TNR: variants seen among roughly 807,000 people sequenced by gnomAD.
The protein encoded by TNR is tenascin R, also known as tenascin-R.
A neutral mutation model predicts 150.4 loss-of-function variants in TNR; 45 were observed. That is an observed-to-expected ratio of 0.30 (90% CI 0.24 to 0.38). TNR has a LOEUF of 0.38. Ranked by LOEUF, TNR falls within the 10% of genes least tolerant of loss-of-function variation. TNR has a pLI of 1.00. For synonymous variants in TNR, 687 were observed against 678.4 expected (o/e 1.01, Z -0.20); for missense variants, 1,544 against 1,759.1 (o/e 0.88, Z 2.19).
At chr1:175,675,772 G>A (rs574910727) in intron 1 of TNR, among the ~76,000 whole-genome samples, 5 of 152,250 alleles carry the variant, frequency 3.3e-5, no homozygotes, top group African/African-American at 1.2e-4. Flanking sequence ...GGTGGGATGG[G>A]GCATAGCTAT....
intron 1 of TNR, among the ~76,000 whole-genome samples, chr1:175,638,590 G>A (rs756859040): frequency 9.2e-5 from 14 of 152,170 alleles, no homozygotes; most frequent in Non-Finnish European, 1.9e-4. Flanking sequence ...CTAGTTGGTT[G>A]CAGATAACAA....
chr1:175,631,580 T>C (rs12354153), intron 1 of TNR, among the ~76,000 whole-genome samples: 43,380 of 152,104 alleles, frequency 0.29, 7,325 homozygotes, highest in East Asian at 0.5. Context: ...CTAAGGAAGC[T>C]AAAAGATTGA....
intron 1 of TNR, among the ~76,000 whole-genome samples, chr1:175,582,914 C>T (rs1662415472): frequency 6.6e-6 from 1 of 151,988 alleles, no homozygotes; most frequent in Admixed American, 6.6e-5. Flanking sequence ...CTCCTCTTAA[C>T]CTCTCTCTGC....
chr1:175,355,319 G>A (rs1003849322), intron 17 of TNR, among the ~76,000 whole-genome samples, 184 bp downstream of exon 17: 1 of 152,088 alleles, frequency 6.6e-6, no homozygotes, highest in Admixed American at 6.6e-5. Flanking sequence ...CAAATCTTCT[G>A]GCTTGCAGAC....
At chr1:175,400,064 C>T (rs899903082) in intron 4 of TNR, among the ~76,000 whole-genome samples, 4 of 152,152 alleles carry the variant, frequency 2.6e-5, no homozygotes, top group Non-Finnish European at 5.9e-5. Flanking sequence ...CTGCTGGCTC[C>T]GGGGGAGTTT....
At chr1:175,365,839 C>G (rs771709835) in intron 11 of TNR, 36 bp downstream of exon 11, 1 of 1,599,690 alleles carries the variant, frequency 6.3e-7, no homozygotes. Context: ...ATCCACTGAT[C>G]CCTGAACCTG....
chr1:175,567,456 G>T (rs535874472), intron 1 of TNR, among the ~76,000 whole-genome samples: 1 of 152,146 alleles, frequency 6.6e-6, no homozygotes, highest in South Asian at 2.1e-4. Context: ...GCAGAACCTT[G>T]TGCCATCCCC....
At chr1:175,681,880 T>C (rs1204596099) in intron 1 of TNR, among the ~76,000 whole-genome samples, 7 of 152,132 alleles carry the variant, frequency 4.6e-5, no homozygotes, top group Non-Finnish European at 1.0e-4. Flanking sequence ...GGCTTCATGC[T>C]CTCAGGGTGA....
At chr1:175,357,579 T>G (rs1651391641) in intron 15 of TNR, among the ~76,000 whole-genome samples, 1 of 152,242 alleles carries the variant, frequency 6.6e-6, no homozygotes, top group African/African-American at 2.4e-5. Flanking sequence ...TTCTTCAGAC[T>G]TCTTACACTC....
intron 11 of TNR, 147 bp from the exon 12 acceptor site, chr1:175,365,426 C>A: frequency 2.3e-6 from 2 of 886,254 alleles, no homozygotes; most frequent in Non-Finnish European, 3.4e-6. Context: ...ACCTCCTCAC[C>A]CTCCAGTGCT....
chr1:175,690,354 GTGC>G (rs1666324001), intron 1 of TNR, among the ~76,000 whole-genome samples: 1 of 152,238 alleles, frequency 6.6e-6, no homozygotes, highest in Admixed American at 6.5e-5. Flanking sequence ...GGTGACAAGT[GTGC>G]AAAGCATTAA....
In TNR at chr1:175,447,191, G is replaced by C. The variant is rs6688421; in HGVS notation, c.-63-40414C>G. 4.7e-3 allele frequency among the ~76,000 whole-genome samples: 709 copies of C among 151,648 alleles called. 2 individuals are homozygous for C. The highest frequency in any genetic ancestry group is 8.0e-3 in the Non-Finnish European group (544 of 67,910). ...TTGGATTTCTATCTTCTGGAAGTAG[G>C]GGTGGTATGGAGTCAGGGGAGGAGT... On this transcript the variant is annotated intron_variant, in intron 2 of 22. Transcript: ENST00000367674.
chr1:175,662,769 C>A (rs541470417), intron 1 of TNR, among the ~76,000 whole-genome samples: 1 of 152,184 alleles, frequency 6.6e-6, no homozygotes, highest in Non-Finnish European at 1.5e-5. Context: ...GAAGAAGAGG[C>A]CGAGAAGGCC....
At chr1:175,619,297 A>G (rs1484584030) in intron 1 of TNR, among the ~76,000 whole-genome samples, 1 of 152,202 alleles carries the variant, frequency 6.6e-6, no homozygotes, top group African/African-American at 2.4e-5. Context: ...AGGAACATCT[A>G]GTATTTATAG....
At chr1:175,431,224 C>A (rs567146060) in intron 2 of TNR, among the ~76,000 whole-genome samples, 28 of 152,090 alleles carry the variant, frequency 1.8e-4, no homozygotes, top group Non-Finnish European at 3.7e-4. Flanking sequence ...GAGAAAAATC[C>A]GAACCTGAAT....
At chr1:175,620,212 T>A (rs1430681409) in intron 1 of TNR, among the ~76,000 whole-genome samples, 1 of 152,178 alleles carries the variant, frequency 6.6e-6, no homozygotes, top group Non-Finnish European at 1.5e-5. Context: ...ATAGGCAGGA[T>A]AGACAAAGTG....
intron 1 of TNR, among the ~76,000 whole-genome samples, chr1:175,737,843 C>G (rs943242986): frequency 2.1e-4 from 32 of 152,150 alleles, no homozygotes; most frequent in African/African-American, 7.0e-4. Flanking sequence ...ACTAATGGGT[C>G]TGTTGGCTCA....
chr1:175,714,751 C>T (rs1302753058), intron 1 of TNR, among the ~76,000 whole-genome samples: 1 of 152,210 alleles, frequency 6.6e-6, no homozygotes, highest in Non-Finnish European at 1.5e-5. Flanking sequence ...AATTACTCTG[C>T]CTGAGCCAGG....
At chr1:175,723,396 C>G (rs1341244865) in intron 1 of TNR, among the ~76,000 whole-genome samples, 3 of 152,112 alleles carry the variant, frequency 2.0e-5, no homozygotes, top group African/African-American at 4.8e-5. Flanking sequence ...CACTCAGTCT[C>G]CAAATATGTA....
Sources: gnomAD v4.1 joint callset for allele counts (sites outside exome capture counted in the v4.1 genomes callset) on GRCh38, gnomAD v4.1.1 for gene constraint, MANE v1.5 for transcripts, NCBI Gene and HGNC (gene_info 2026-07-23, HGNC 2026-07-21) for gene names.